The following TSC1 variants were observed in gnomAD, a reference collection of about 807,000 sequenced individuals.
TSC1 encodes hamartin.
Under a neutral mutation model 124.3 loss-of-function variants are expected in TSC1, and 20 were observed. The observed-to-expected ratio is 0.16, with a 90% CI of 0.11 to 0.23. The LOEUF (loss-of-function observed/expected upper bound fraction) is 0.23, where lower values mean the gene tolerates loss of function less well. Ranked by LOEUF, TSC1 falls within the 10% of genes least tolerant of loss-of-function variation. The pLI, the probability that TSC1 is intolerant of heterozygous loss-of-function variation, is 1.00. For missense variants in TSC1, 1,124 were observed against 1,448.5 expected, an observed-to-expected ratio of 0.78 and a Z score of 3.64; for synonymous variants, 493 against 539.1, an observed-to-expected ratio of 0.91 and a Z score of 1.19.
At chr9:132,917,328 T>G (rs1305700328) in intron 8 of TSC1, among the ~76,000 whole-genome samples, 1 of 152,050 alleles carries the variant, frequency 6.6e-6, no homozygotes, top group African/African-American at 2.4e-5. Context: ...TCCACCAAAG[T>G]TTTCTTCTCT....
chr9:132,909,365 A>G (rs1017603536), intron 12 of TSC1, among the ~76,000 whole-genome samples: 2 of 152,250 alleles, frequency 1.3e-5, no homozygotes, highest in Admixed American at 6.5e-5. Context: ...AAGCTTCCAC[A>G]GACTTTTCGG....
upstream of TSC1, chr9:132,944,777 T>C (rs1436886662): frequency 5.1e-6 from 2 of 394,932 alleles, no homozygotes; most frequent in Non-Finnish European, 8.9e-6. Flanking sequence ...ACTGACGATG[T>C]GGGTTGGACG....
At chr9:132,930,587 CAAAAAA>C (rs58163733) in intron 2 of TSC1, among the ~76,000 whole-genome samples, 4 of 45,248 alleles carry the variant, frequency 8.8e-5, no homozygotes, top group Non-Finnish European at 1.1e-4. Context: ...GACTCTGCCT[CAAAAAA>C]AAAAAAAAAA....
intron 2 of TSC1, among the ~76,000 whole-genome samples, chr9:132,931,618 C>T (rs1227606091): frequency 6.6e-6 from 1 of 152,124 alleles, no homozygotes; most frequent in Non-Finnish European, 1.5e-5. Context: ...ATAAGTGGCT[C>T]AAGTTCAAGC....
At chr9:132,900,876 C>T (rs1845339884) in intron 19 of TSC1, 39 bp from the exon 20 acceptor site, 1 of 1,613,292 alleles carries the variant, frequency 6.2e-7, no homozygotes, top group East Asian at 2.2e-5. Context: ...AATCCGACGA[C>T]ATAAAACTAG....
rs1291411787 is a variant in TSC1, at chr9:132,902,620, C to T, written c.2376G>A (p.Gln792=). ...LQHDREEFYN[Q]SQELQTKLED... is the part of the protein sequence containing the mutation. ...CAGTTTATACCTGTAATTCCTGGCT[C>T]TGGTTGTAGAATTCCTCTCGGTCAT... The change falls in exon 18 of 23, where the codon CAG becomes CAA. Residue 792 remains glutamine, a synonymous_variant. Transcript: ENST00000298552. This position sits in a 1 kb window ranked among gnomAD's most constrained non-coding sequence, Gnocchi z 5.2. 6.2e-7 allele frequency: 1 copy of T among 1,613,978 alleles called. No homozygotes were observed. The highest frequency in any genetic ancestry group is 1.3e-5 in the African/African-American group (1 of 74,934).
chr9:132,916,752 C>T (rs367947869), intron 8 of TSC1, among the ~76,000 whole-genome samples: 2 of 152,274 alleles, frequency 1.3e-5, no homozygotes, highest in African/African-American at 2.4e-5. Context: ...CAGGATTATT[C>T]CTCATCTTCC....
intron 2 of TSC1, among the ~76,000 whole-genome samples, chr9:132,929,884 A>C (rs1026753172): frequency 6.6e-6 from 1 of 152,186 alleles, no homozygotes; most frequent in African/African-American, 2.4e-5. Context: ...AGAGGAGAAA[A>C]ACTGATATTG....
intron 8 of TSC1, among the ~76,000 whole-genome samples, chr9:132,916,517 TTTG>T (rs1846279084): frequency 6.6e-6 from 1 of 152,232 alleles, no homozygotes; most frequent in Non-Finnish European, 1.5e-5. Context: ...TGTAACTGTT[TTTG>T]TTGTTTTCAA....
chr9:132,927,794 G>A (rs1846965960), intron 3 of TSC1, among the ~76,000 whole-genome samples: 1 of 152,014 alleles, frequency 6.6e-6, no homozygotes, highest in Non-Finnish European at 1.5e-5. Context: ...CCAAGTGCTG[G>A]GATTACAGGC....
At chr9:132,924,216 A>G (rs1846729756) in intron 5 of TSC1, among the ~76,000 whole-genome samples, 1 of 152,224 alleles carries the variant, frequency 6.6e-6, no homozygotes, top group Non-Finnish European at 1.5e-5. Flanking sequence ...TAATTAAATC[A>G]TGAATGTTTG....
intron 4 of TSC1, chr9:132,926,508 T>A (rs1470369733): frequency 6.5e-6 from 1 of 154,260 alleles, no homozygotes; most frequent in Non-Finnish European, 1.4e-5. Flanking sequence ...AAGTGCCGGG[T>A]GCTAGGAAAC....
chr9:132,913,533 T>G (rs1846079158), intron 8 of TSC1, among the ~76,000 whole-genome samples: 1 of 152,138 alleles, frequency 6.6e-6, no homozygotes, highest in Non-Finnish European at 1.5e-5. Flanking sequence ...TGCTGAACAC[T>G]GTTGTATGTC....
chr9:132,900,717 T>G lies in TSC1; in HGVS notation c.2623A>C (p.Lys875Gln), dbSNP rs78260659. 6.2e-7 allele frequency: 1 copy of G among 1,614,058 alleles called. No individual in the cohort carries two copies. The highest frequency in any genetic ancestry group is 2.2e-5 in the East Asian group (1 of 44,878). ...QLQNKHSDTT[K>Q]EVEMMKAAYR... ...CTGGCTCCCGAGCCCTGGCATACCT[T>G]TGTGGTATCTGAGTGCTTGTTCTGC... Residue 875 changes from lysine to glutamine, a missense_variant and splice_region_variant, in exon 20 of 23, where the codon AAG becomes CAG. Physicochemically the swap from Lys to Gln is moderately conservative, Grantham distance 53. Transcript: ENST00000298552.
At chr9:132,928,452 T>TA (rs1564504530) in intron 3 of TSC1, among the ~76,000 whole-genome samples, 1 of 152,208 alleles carries the variant, frequency 6.6e-6, no homozygotes, top group African/African-American at 2.4e-5. Context: ...CTTTTCATAT[T>TA]AAAAACCACA....
intron 8 of TSC1, among the ~76,000 whole-genome samples, chr9:132,916,144 G>A (rs760956168): frequency 5.3e-5 from 8 of 152,188 alleles, no homozygotes; most frequent in African/African-American, 9.6e-5. Flanking sequence ...GGGAACCATC[G>A]TCTAATCAAA....
chr9:132,925,471 C>T (rs1293091052), intron 5 of TSC1, 116 bp downstream of exon 5: 1 of 1,304,152 alleles, frequency 7.7e-7, no homozygotes, highest in East Asian at 2.4e-5. Context: ...AAGCCAAATG[C>T]CTAGAAGGTT....
chr9:132,918,184 G>A (rs575349533), intron 8 of TSC1, among the ~76,000 whole-genome samples: 2 of 152,240 alleles, frequency 1.3e-5, no homozygotes, highest in Non-Finnish European at 2.9e-5. Flanking sequence ...GAACAGGAGA[G>A]AGGGAATAGA....
intron 8 of TSC1, among the ~76,000 whole-genome samples, chr9:132,917,708 A>G (rs542770875): frequency 2.0e-5 from 3 of 152,318 alleles, no homozygotes; most frequent in South Asian, 2.1e-4. Context: ...TGTTCTGCTC[A>G]TATTACCAAG....
Sources: allele counts gnomAD v4.1 joint callset (sites outside exome capture counted in the v4.1 genomes callset), GRCh38; gene constraint gnomAD v4.1.1; non-coding constraint Gnocchi (gnomAD v3.1); transcripts MANE v1.5; gene names NCBI Gene and HGNC (gene_info 2026-07-23, HGNC 2026-07-21).